The following GPHN variants were observed in gnomAD, a reference collection of about 807,000 sequenced individuals.
GPHN encodes the protein gephyrin.
Under a neutral mutation model 95.5 loss-of-function variants are expected in GPHN, and 17 were observed. The observed-to-expected ratio is 0.18, with a 90% CI of 0.12 to 0.27. The LOEUF is 0.27. GPHN is among the 10% of genes least tolerant of loss of function. The pLI is 1.00. For synonymous variants in GPHN, 320 were observed against 322.5 expected (o/e 0.99, Z 0.08); for missense variants, 660 against 978.1 (o/e 0.67, Z 4.34).
At chr14:67,365,070 A>T in the GPHN span, 1 of 1,477,502 alleles carries the variant, frequency 6.8e-7, no homozygotes, top group Non-Finnish European at 9.0e-7. Context: ...TTAAAAATAC[A>T]TTTTTTGTAA....
rs144559571 is a variant in GPHN at position 66,785,474 on chromosome 14, C to T, written c.201+8953C>T. On this transcript the variant is annotated intron_variant, in intron 3 of 22. Transcript: ENST00000478722. ...AGAAAAATTCTGGAGACAGAGAGGA[C>T]ATCCCATAATGTGAAAGGCTCAATC... 3.0e-3 allele frequency among the ~76,000 whole-genome samples: 455 copies of T among 152,060 alleles called. 3 individuals are homozygous for T. The highest frequency in any genetic ancestry group is 0.011 in the African/African-American group (437 of 41,514).
intron 11 of GPHN, among the ~76,000 whole-genome samples, chr14:67,066,231 T>C (rs1297447909): frequency 6.6e-6 from 1 of 152,232 alleles, no homozygotes; most frequent in African/African-American, 2.4e-5. Flanking sequence ...AAAATTCTTT[T>C]CTTTAAGAAT....
At chr14:67,015,837 A>G (rs2073278766) in intron 9 of GPHN, among the ~76,000 whole-genome samples, 1 of 152,170 alleles carries the variant, frequency 6.6e-6, no homozygotes, top group African/African-American at 2.4e-5. Flanking sequence ...TGTGTATGGA[A>G]GTTCACCTTT....
chr14:67,398,632 C>T, the GPHN span, among the ~76,000 whole-genome samples: 9 of 151,896 alleles, frequency 5.9e-5, no homozygotes, highest in Admixed American at 1.3e-4. Context: ...ACCACCTAAA[C>T]GACCCTTCTC....
chr14:67,416,741 A>C, the GPHN span, among the ~76,000 whole-genome samples: 4 of 152,244 alleles, frequency 2.6e-5, no homozygotes, highest in African/African-American at 9.6e-5. Context: ...CTCATATGTC[A>C]GTGTAAACAA....
chr14:67,003,402 A>T (rs190963182), intron 9 of GPHN, among the ~76,000 whole-genome samples: 68 of 151,818 alleles, frequency 4.5e-4, no homozygotes, highest in African/African-American at 1.4e-3. Context: ...TAATGTAGGA[A>T]TCTATCTACT....
At chr14:67,439,877 C>T in the GPHN span, among the ~76,000 whole-genome samples, 4 of 152,084 alleles carry the variant, frequency 2.6e-5, no homozygotes, top group Non-Finnish European at 5.9e-5. Flanking sequence ...TCACTCTGTC[C>T]ACCCAGGCTG....
chr14:66,862,384 C>T (rs938590679), intron 4 of GPHN, among the ~76,000 whole-genome samples: 11 of 151,834 alleles, frequency 7.2e-5, no homozygotes, highest in African/African-American at 2.7e-4. Context: ...GATCCAATTC[C>T]CTGCTGAATT....
chr14:66,645,358 A>T (rs1242696101), intron 1 of GPHN, among the ~76,000 whole-genome samples: 1 of 152,182 alleles, frequency 6.6e-6, no homozygotes, highest in Admixed American at 6.5e-5. Flanking sequence ...CATCACAACA[A>T]CATCTCAGCC....
chr14:66,751,773 C>T (rs1461361422), intron 2 of GPHN, among the ~76,000 whole-genome samples: 2 of 152,060 alleles, frequency 1.3e-5, no homozygotes, highest in Non-Finnish European at 2.9e-5. Flanking sequence ...TTGGCTTCAA[C>T]TTAAAGTCAC....
chr14:67,624,909 C>G, the GPHN span, among the ~76,000 whole-genome samples: 3 of 152,176 alleles, frequency 2.0e-5, no homozygotes, highest in Non-Finnish European at 4.4e-5. Context: ...CTGCCTTTTC[C>G]CAGATCAGCT....
At chr14:67,554,734 T>C in the GPHN span, among the ~76,000 whole-genome samples, 1 of 152,138 alleles carries the variant, frequency 6.6e-6, no homozygotes, top group Non-Finnish European at 1.5e-5. Flanking sequence ...AGAGATGCCA[T>C]GTAGGCTGTG....
chr14:67,719,639 A>G, the GPHN span, among the ~76,000 whole-genome samples: 1 of 151,564 alleles, frequency 6.6e-6, no homozygotes, highest in Non-Finnish European at 1.5e-5. Context: ...CAGGCCAGCT[A>G]ATTTTTAGTT....
At chr14:66,673,296 G>C (rs2066407158) in intron 1 of GPHN, among the ~76,000 whole-genome samples, 1 of 151,894 alleles carries the variant, frequency 6.6e-6, no homozygotes, top group African/African-American at 2.4e-5. Flanking sequence ...GTTTCACCGT[G>C]TTAACCAGGA....
chr14:67,579,463 G>T, the GPHN span: 2 of 718,244 alleles, frequency 2.8e-6, no homozygotes, highest in Non-Finnish European at 4.4e-6. Context: ...AAGCTGAGAT[G>T]CTGACCAAGA....
At chr14:66,846,239 C>G (rs1004506350) in intron 4 of GPHN, among the ~76,000 whole-genome samples, 2 of 152,102 alleles carry the variant, frequency 1.3e-5, no homozygotes, top group African/African-American at 4.8e-5. Context: ...AATTGTTTGA[C>G]TGTCTTCTCA....
At chr14:66,964,559 G>A (rs2069179986) in intron 8 of GPHN, among the ~76,000 whole-genome samples, 1 of 152,218 alleles carries the variant, frequency 6.6e-6, no homozygotes, top group African/African-American at 2.4e-5. Context: ...ACCTAATGGG[G>A]CAAAGGGAAG....
intron 10 of GPHN, among the ~76,000 whole-genome samples, chr14:67,049,743 C>T (rs2075216956): frequency 1.3e-5 from 2 of 152,106 alleles, no homozygotes; most frequent in Non-Finnish European, 2.9e-5. Flanking sequence ...GATCATTTGA[C>T]CTCGTGATCC....
chr14:66,972,626 C>T (rs971398444), intron 9 of GPHN, among the ~76,000 whole-genome samples: 1 of 151,702 alleles, frequency 6.6e-6, no homozygotes, highest in African/African-American at 2.4e-5. Context: ...CATTTTGTCA[C>T]ATTCAAGGGC....
Sources: allele counts gnomAD v4.1 joint callset (sites outside exome capture counted in the v4.1 genomes callset), GRCh38; gene constraint gnomAD v4.1.1; transcripts MANE v1.5; gene names NCBI Gene and HGNC (gene_info 2026-07-23, HGNC 2026-07-21).